Variants in SYCP1 observed in about 807,000 individuals in gnomAD.
SYCP1 encodes the protein synaptonemal complex protein 1.
A neutral mutation model predicts 153.1 loss-of-function variants in SYCP1; 64 were observed. That is an observed-to-expected ratio of 0.42 (90% CI 0.34 to 0.51). The LOEUF is 0.51. SYCP1 is among the 20% of genes least tolerant of loss of function. The pLI, the probability that SYCP1 is intolerant of heterozygous loss-of-function variation, is 0.06. For missense variants in SYCP1, 997 were observed against 1,049.0 expected (o/e 0.95, Z 0.68); for synonymous variants, 384 against 341.8 (o/e 1.12, Z -1.36).
intron 27 of SYCP1, among the ~76,000 whole-genome samples, chr1:114,962,985 TA>T (rs1456929542): frequency 1.3e-5 from 2 of 152,224 alleles, no homozygotes; most frequent in Non-Finnish European, 2.9e-5. Context: ...TTAAGGAGCC[TA>T]AAGATAAGAC....
At chr1:114,913,915 A>T in intron 19 of SYCP1, 60 bp from the exon 20 acceptor site, 1 of 1,245,024 alleles carries the variant, frequency 8.0e-7, no homozygotes, top group Non-Finnish European at 1.1e-6. Flanking sequence ...CTTAAATAGT[A>T]GTTTAAATTT....
intron 29 of SYCP1, among the ~76,000 whole-genome samples, chr1:114,983,612 C>T (rs999390980): frequency 1.3e-5 from 2 of 151,858 alleles, no homozygotes; most frequent in African/African-American, 2.4e-5. Context: ...GCCCCAGGAA[C>T]GTGGGCTGTT....
At chr1:114,925,349 T>A (rs901994187) in intron 21 of SYCP1, among the ~76,000 whole-genome samples, 1 of 152,128 alleles carries the variant, frequency 6.6e-6, no homozygotes, top group Non-Finnish European at 1.5e-5. Context: ...CCATTAAGAA[T>A]TTAAGACATA....
intron 8 of SYCP1, among the ~76,000 whole-genome samples, chr1:114,869,346 A>G (rs906309956): frequency 6.6e-6 from 1 of 152,132 alleles, no homozygotes; most frequent in Non-Finnish European, 1.5e-5. Flanking sequence ...TTTTCCAGGT[A>G]TCTTTCTATT....
chr1:114,913,354 C>A (rs1668305353), intron 19 of SYCP1, among the ~76,000 whole-genome samples: 1 of 151,688 alleles, frequency 6.6e-6, no homozygotes, highest in African/African-American at 2.4e-5. Flanking sequence ...AAATGGAAGC[C>A]ATTACTAGAA....
chr1:114,903,589 A>G (rs932947554), intron 16 of SYCP1, among the ~76,000 whole-genome samples: 1 of 152,200 alleles, frequency 6.6e-6, no homozygotes, highest in South Asian at 2.1e-4. Flanking sequence ...CTTGTAAATC[A>G]TATCAAAGGA....
At chr1:114,886,941 A>G (rs1031971911) in intron 14 of SYCP1, among the ~76,000 whole-genome samples, 2 of 151,958 alleles carry the variant, frequency 1.3e-5, no homozygotes, top group African/African-American at 4.8e-5. Context: ...ATTTATATAA[A>G]GCTGTGTTAG....
chr1:114,861,799 C>CTT (rs1334859101), intron 8 of SYCP1, among the ~76,000 whole-genome samples: 204 of 129,866 alleles, frequency 1.6e-3, no homozygotes, highest in Middle Eastern at 8.0e-3. Flanking sequence ...TTTTTTTATT[C>CTT]TTTTTTTTTT....
intron 12 of SYCP1, among the ~76,000 whole-genome samples, chr1:114,881,641 A>G (rs1352211952): frequency 6.6e-6 from 1 of 151,914 alleles, no homozygotes; most frequent in Non-Finnish European, 1.5e-5. Flanking sequence ...TAGCTGGGAT[A>G]CAGGCAGATG....
Position 114,960,901 on chromosome 1 carries a change from A to C in SYCP1, c.2322+13581A>C, listed in dbSNP as rs149753506. 2.6e-4 allele frequency among the ~76,000 whole-genome samples: 40 copies of C among 152,190 alleles called. No individual in the cohort carries two copies. In the East Asian group the frequency reaches 7.0e-3, roughly 26 times the overall value. On this transcript the variant is annotated intron_variant, in intron 27 of 31. Coordinates refer to ENST00000369522, the MANE Select transcript of SYCP1 (RefSeq NM_003176.4). ...TTTAGGGGGGATTTTCTCTTACTCTATCTTTTGGAATAGTTTCAGTAGGAT... is the reference window on the plus strand; with the variant it reads ...TTTAGGGGGGATTTTCTCTTACTCTCTCTTTTGGAATAGTTTCAGTAGGAT...
chr1:114,881,689 A>T (rs896397804), intron 12 of SYCP1, among the ~76,000 whole-genome samples: 1 of 152,016 alleles, frequency 6.6e-6, no homozygotes, highest in Non-Finnish European at 1.5e-5. Flanking sequence ...TTTTGTAGAG[A>T]CAGGGTTTCA....
rs1423665029 is a variant in SYCP1, at chr1:114,944,396, G to A, written c.1984G>A (p.Asp662Asn). 6.2e-7 allele frequency: 1 copy of A among 1,606,274 alleles called. No homozygotes were observed. Among genetic ancestry groups the A allele is most frequent in the African/African-American group, 1.3e-5 (1 of 74,568 alleles). The change falls in exon 24 of 32, where the codon GAC becomes AAC. Residue 662 changes from aspartate to asparagine, a missense_variant. Around this residue, in one of 2 missense-constraint regions of SYCP1, gnomAD observed 712 missense variants for 682.9 expected, o/e 1.04. Coordinates refer to ENST00000369522, the MANE Select transcript of SYCP1 (RefSeq NM_003176.4). ...CAAACAGAAATTTGGAGAAATCACA[G>A]ACACCTATCAGAAAGAAATTGAGGA... ...SAKQKFGEIT[D>N]TYQKEIEDKK... is the part of the protein sequence containing the mutation.
chr1:114,939,949 C>T (rs1295779512), intron 23 of SYCP1, among the ~76,000 whole-genome samples: 1 of 152,150 alleles, frequency 6.6e-6, no homozygotes, highest in Non-Finnish European at 1.5e-5. Context: ...TCATCCAGTT[C>T]ATCTACATTT....
At chr1:114,989,456 A>G (rs12735329) in intron 30 of SYCP1, among the ~76,000 whole-genome samples, 1 of 151,908 alleles carries the variant, frequency 6.6e-6, no homozygotes, top group South Asian at 2.1e-4. Context: ...TGGAGACAAA[A>G]CCCTATAAGA....
At chr1:114,988,023 A>G (rs1382580849) in intron 30 of SYCP1, among the ~76,000 whole-genome samples, 2 of 151,324 alleles carry the variant, frequency 1.3e-5, no homozygotes, top group Non-Finnish European at 3.0e-5. Flanking sequence ...AGTAAGCAGA[A>G]AAAAGAATTG....
intron 8 of SYCP1, among the ~76,000 whole-genome samples, chr1:114,868,904 T>C (rs940563750): frequency 5.3e-5 from 8 of 152,204 alleles, no homozygotes; most frequent in Non-Finnish European, 1.2e-4. Flanking sequence ...TTTTCATTTA[T>C]GGATTAGTAA....
At chr1:114,970,100 C>T (rs1353082237) in intron 27 of SYCP1, among the ~76,000 whole-genome samples, 3 of 152,160 alleles carry the variant, frequency 2.0e-5, no homozygotes, top group Admixed American at 1.3e-4. Context: ...ACCATCTTGC[C>T]AGCCCCCTGT....
intron 28 of SYCP1, among the ~76,000 whole-genome samples, chr1:114,978,535 T>C (rs1672943288): frequency 6.6e-6 from 1 of 151,628 alleles, no homozygotes; most frequent in Non-Finnish European, 1.5e-5. Context: ...TATTTGATAA[T>C]ATAGGATCAT....
At chr1:114,898,607 T>C (rs1419123534) in intron 16 of SYCP1, among the ~76,000 whole-genome samples, 1 of 152,156 alleles carries the variant, frequency 6.6e-6, no homozygotes, top group Non-Finnish European at 1.5e-5. Context: ...GTTTAGAAAG[T>C]AATGACAAAT....
Sources: allele counts gnomAD v4.1 joint callset (sites outside exome capture counted in the v4.1 genomes callset), GRCh38; gene constraint gnomAD v4.1.1; regional missense constraint gnomAD v4.1.1; transcripts MANE v1.5; gene names NCBI Gene and HGNC (gene_info 2026-07-23, HGNC 2026-07-21).